GLIS3: variants seen among roughly 807,000 people sequenced by gnomAD.
GLIS3 encodes the protein zinc finger protein GLIS3.
Under a neutral mutation model 78.6 loss-of-function variants are expected in GLIS3, and 53 were observed. The ratio of observed to expected loss-of-function variants is 0.67; its 90% CI spans 0.54 to 0.85. The LOEUF (loss-of-function observed/expected upper bound fraction) is 0.85. GLIS3 is among the 40% of genes least tolerant of loss of function. The probability of loss-of-function intolerance (pLI) is 0.00; values close to 1 mark genes in which losing one functional copy is unlikely to be tolerated. For synonymous variants in GLIS3, 684 were observed against 509.9 expected (o/e 1.34, Z -4.60); for missense variants, 1,703 against 1,231.1 (o/e 1.38, Z -5.74).
chr9:4,388,389 A>T, the GLIS3 span, among the ~76,000 whole-genome samples: 1 of 152,152 alleles, frequency 6.6e-6, no homozygotes, highest in South Asian at 2.1e-4. Flanking sequence ...TTAAGAGTAG[A>T]GAGGCAGGGC....
intron 2 of GLIS3, among the ~76,000 whole-genome samples, chr9:4,167,760 T>A (rs1815998534): frequency 6.6e-6 from 1 of 152,238 alleles, no homozygotes; most frequent in Admixed American, 6.5e-5. Flanking sequence ...TTCATATACT[T>A]TTCTGCAAAT....
chr9:4,021,287 A>T (rs1052966229), intron 4 of GLIS3, among the ~76,000 whole-genome samples: 2 of 152,170 alleles, frequency 1.3e-5, no homozygotes, highest in African/African-American at 4.8e-5. Flanking sequence ...CTGAATCAAT[A>T]ATTCATATTC....
chr9:4,258,908 T>G (rs1268243779), intron 2 of GLIS3, among the ~76,000 whole-genome samples: 3 of 152,190 alleles, frequency 2.0e-5, no homozygotes, highest in Non-Finnish European at 4.4e-5. Context: ...TAATTCAACC[T>G]CTGTACTTTT....
chr9:4,402,209 G>A, the GLIS3 span, among the ~76,000 whole-genome samples: 14 of 152,286 alleles, frequency 9.2e-5, no homozygotes, highest in African/African-American at 3.4e-4. Context: ...GAGAGTAAGG[G>A]AAAAGAACAA....
the GLIS3 span, among the ~76,000 whole-genome samples, chr9:4,464,498 G>A: frequency 1.3e-5 from 2 of 152,012 alleles, no homozygotes; most frequent in African/African-American, 4.8e-5. Flanking sequence ...GGGCTCAAGC[G>A]ATTCTCCTGC....
the GLIS3 span, among the ~76,000 whole-genome samples, chr9:4,388,967 T>C: frequency 1.3e-5 from 2 of 152,062 alleles, no homozygotes; most frequent in Non-Finnish European, 2.9e-5. Context: ...GAAAAGGGGA[T>C]AGGGTAGGGG....
intron 4 of GLIS3, chr9:4,034,610 G>A (rs1355235737): frequency 6.6e-6 from 1 of 152,202 alleles, no homozygotes; most frequent in Admixed American, 6.5e-5. Flanking sequence ...TGTCACTTCT[G>A]CTGCTGCTTT....
At chr9:3,932,557 A>C in intron 5 of GLIS3, 87 bp from the exon 6 acceptor site, 1 of 945,808 alleles carries the variant, frequency 1.1e-6, no homozygotes, top group Non-Finnish European at 1.7e-6. Context: ...TTGACTTCAG[A>C]GCATGAACTG....
intron 2 of GLIS3, among the ~76,000 whole-genome samples, chr9:4,278,946 T>C (rs891822225): frequency 2.0e-5 from 3 of 152,100 alleles, no homozygotes; most frequent in Non-Finnish European, 4.4e-5. Context: ...CTGAATCCAA[T>C]CATGAAGAAA....
the GLIS3 span, among the ~76,000 whole-genome samples, chr9:4,374,848 A>T: frequency 6.6e-6 from 1 of 152,262 alleles, no homozygotes; most frequent in African/African-American, 2.4e-5. Flanking sequence ...ACACATGCAC[A>T]TATGTGCACA....
At chr9:4,483,820 A>G in the GLIS3 span, among the ~76,000 whole-genome samples, 2 of 152,042 alleles carry the variant, frequency 1.3e-5, no homozygotes, top group East Asian at 3.9e-4. Flanking sequence ...TGACAGGGAA[A>G]ACTTACACAA....
chr9:3,980,354 C>G (rs763783716), intron 4 of GLIS3, among the ~76,000 whole-genome samples: 2 of 152,166 alleles, frequency 1.3e-5, no homozygotes, highest in South Asian at 2.1e-4. Context: ...GGTTCACACT[C>G]GACGTAAGTG....
At chr9:4,401,922 G>C in the GLIS3 span, among the ~76,000 whole-genome samples, 1 of 152,200 alleles carries the variant, frequency 6.6e-6, no homozygotes, top group Non-Finnish European at 1.5e-5. Flanking sequence ...GCAGAGGCAA[G>C]AGCGGGAAGC....
chr9:4,212,602 A>T (rs1056066759), intron 2 of GLIS3, among the ~76,000 whole-genome samples: 1 of 152,228 alleles, frequency 6.6e-6, no homozygotes, highest in Non-Finnish European at 1.5e-5. Context: ...TTTTGATATC[A>T]GAAATTCCTG....
chr9:4,350,646 G>C (rs1817957218), upstream of GLIS3, among the ~76,000 whole-genome samples: 1 of 152,112 alleles, frequency 6.6e-6, no homozygotes, highest in Non-Finnish European at 1.5e-5. Context: ...TGTTAAATTG[G>C]ACAAAAAGAC....
intron 1 of GLIS3, among the ~76,000 whole-genome samples, chr9:4,296,430 A>G (rs10814917): frequency 0.38 from 57,497 of 152,028 alleles, 12,964 homozygotes; most frequent in East Asian, 0.53. Flanking sequence ...TACCCAGGCT[A>G]TTTTAGCTCA....
At chr9:4,115,599 T>C (rs1208117628) in intron 4 of GLIS3, among the ~76,000 whole-genome samples, 1 of 152,040 alleles carries the variant, frequency 6.6e-6, no homozygotes, top group Admixed American at 6.6e-5. Context: ...CACAGCAAAA[T>C]TAATTGCTGC....
At chr9:4,345,906 A>G (rs940798583) in intron 2 of GLIS3, among the ~76,000 whole-genome samples, 23 of 152,372 alleles carry the variant, frequency 1.5e-4, no homozygotes, top group African/African-American at 5.5e-4. Flanking sequence ...CTGCAAAAGA[A>G]TATTGCTTTG....
At chr9:4,138,614 G>C (rs967767048) in intron 2 of GLIS3, among the ~76,000 whole-genome samples, 1 of 152,134 alleles carries the variant, frequency 6.6e-6, no homozygotes, top group African/African-American at 2.4e-5. Context: ...CATGGGGGAA[G>C]CCGTAAAGAA....
Sources: allele counts gnomAD v4.1 joint callset (sites outside exome capture counted in the v4.1 genomes callset), GRCh38; gene constraint gnomAD v4.1.1; transcripts MANE v1.5; gene names NCBI Gene and HGNC (gene_info 2026-07-23, HGNC 2026-07-21).